Variants in SFXN3 observed in about 807,000 individuals in gnomAD.
The protein encoded by SFXN3 is sideroflexin 3, also known as sideroflexin-3.
Under a neutral mutation model 40.4 loss-of-function variants are expected in SFXN3, and 31 were observed. That is an observed-to-expected ratio of 0.77 (90% CI 0.58 to 1.04). The LOEUF (loss-of-function observed/expected upper bound fraction) is 1.04. Among genes scored for constraint, SFXN3 ranks in the 50% least tolerant of loss-of-function variants. The probability of loss-of-function intolerance (pLI) is 0.00; values close to 1 mark genes in which losing one functional copy is unlikely to be tolerated. For synonymous variants in SFXN3, 157 were observed against 160.0 expected, an observed-to-expected ratio of 0.98 and a Z score of 0.14; for missense variants, 366 against 408.2, an observed-to-expected ratio of 0.90 and a Z score of 0.89.
rs1245991546 is a variant in SFXN3 at position 101,036,289 on chromosome 10, G to A, written c.431+188G>A. Among the ~76,000 whole-genome samples, 1 of 152,224 alleles carries A rather than the reference G, an allele frequency of 6.6e-6. No individual in the cohort carries two copies. Among genetic ancestry groups the A allele is most frequent in the Non-Finnish European group, 1.5e-5 (1 of 68,038 alleles). On this transcript the variant is annotated intron_variant, in intron 5 of 11. Coordinates refer to ENST00000393459, the Ensembl canonical transcript of SFXN3. This position sits in a 1 kb window ranked among gnomAD's most constrained non-coding sequence, Gnocchi z 4.2. Reference sequence around the variant, plus strand: ...GGCATGAGGTCCTCTTATGTATGCTGTGGGGGACCCACCCCTCTTCACAGG... The same window carrying A: ...GGCATGAGGTCCTCTTATGTATGCTATGGGGGACCCACCCCTCTTCACAGG...
intron 2 of SFXN3, among the ~76,000 whole-genome samples, chr10:101,032,898 G>C (rs144754024): frequency 6.6e-6 from 1 of 152,316 alleles, no homozygotes; most frequent in Non-Finnish European, 1.5e-5. Context: ...GCTGCACCAG[G>C]CTTTCCTCTC....
intron 1 of SFXN3, 134 bp from the exon 2 acceptor site, chr10:101,032,180 C>G: frequency 2.6e-6 from 1 of 379,132 alleles, no homozygotes; most frequent in Non-Finnish European, 4.7e-6. Context: ...GCGGCTCCAG[C>G]CCCTCCTCCC....
chr10:101,032,226 G>A, intron 1 of SFXN3, 88 bp from the exon 2 acceptor site: 1 of 473,876 alleles, frequency 2.1e-6, no homozygotes, highest in South Asian at 3.4e-5. Flanking sequence ...GATCCCCGAG[G>A]TGGGATTGGC....
At chr10:101,033,921 G>C (rs1164906314) in intron 2 of SFXN3, among the ~76,000 whole-genome samples, 1 of 152,022 alleles carries the variant, frequency 6.6e-6, no homozygotes, top group East Asian at 1.9e-4. Context: ...TAACAAGGCA[G>C]CATTACTGCA....
intron 2 of SFXN3, among the ~76,000 whole-genome samples, chr10:101,034,276 G>A (rs1345571018): frequency 6.6e-6 from 1 of 152,148 alleles, no homozygotes; most frequent in African/African-American, 2.4e-5. Flanking sequence ...ACTAGAGAAT[G>A]GCAATGACTT....
chr10:101,035,929 TTGGTTTCATTACAG>T, intron 4 of SFXN3, 60 bp from the exon 5 acceptor site: 1 of 1,400,890 alleles, frequency 7.1e-7, no homozygotes, highest in Non-Finnish European at 1.0e-6. Flanking sequence ...GGAATAACCT[TTGGTTTCATTACAG>T]GGGTCTAAAG....
chr10:101,035,576 G>A, exon 4 of SFXN3: 1 of 1,614,152 alleles, frequency 6.2e-7, no homozygotes, highest in African/African-American at 1.3e-5. Flanking sequence ...CTTCCATCCG[G>A]ACACAGGGGA....
intron 9 of SFXN3, chr10:101,037,932 G>A: frequency 1.2e-6 from 1 of 835,560 alleles, no homozygotes; most frequent in Non-Finnish European, 1.5e-6. Context: ...TATGGCCCCT[G>A]TCCTCATGAA....
At chr10:101,033,479 T>C (rs1019961719) in intron 2 of SFXN3, among the ~76,000 whole-genome samples, 1 of 152,150 alleles carries the variant, frequency 6.6e-6, no homozygotes, top group Admixed American at 6.5e-5. Context: ...GTCCCTGGGC[T>C]GGGACATTGC....
intron 9 of SFXN3, chr10:101,038,274 G>A (rs907340438): frequency 8.5e-7 from 1 of 1,173,480 alleles, no homozygotes; most frequent in Non-Finnish European, 1.1e-6. Flanking sequence ...AGATGTGCTT[G>A]GAAAGGGTCA....
Position 101,039,401 on chromosome 10 carries a change from A to G in SFXN3, c.870-88A>G. On this transcript the variant is annotated intron_variant, in intron 11 of 11. Coordinates refer to ENST00000393459, the Ensembl canonical transcript of SFXN3. This position sits in a 1 kb window ranked among gnomAD's most constrained non-coding sequence, Gnocchi z 4.6. ...TGGCAGTAGAAGGAGAGGATTTTTC[A>G]GCCTGGGAGGAGGTGGGATGGCAAT... 7.5e-7 allele frequency: 1 copy of G among 1,331,934 alleles called. No homozygotes were observed. The highest frequency in any genetic ancestry group is 1.1e-6 in the Non-Finnish European group (1 of 925,604). 82.5% of individuals were successfully genotyped at this position (1,331,934 alleles called of 1,614,324 possible).
In SFXN3 at chr10:101,035,908, C is replaced by T. The variant is rs1349695020; in HGVS notation, c.333-95C>T. 2.3e-6 allele frequency: 3 copies of T among 1,300,718 alleles called. No individual in the cohort carries two copies. The African/African-American group carries it at 4.4e-5, about 19-fold the overall frequency. The allele number at this position is 1,300,718 out of a possible 1,614,324, so 80.6% of individuals were successfully genotyped here. ...TCTAGGGCCATTAACTGGGTCCCTT[C>T]TTAGGCTTGGGGAATAACCTTTGGT... On this transcript the variant is annotated intron_variant, in intron 4 of 11. Coordinates refer to ENST00000393459, the Ensembl canonical transcript of SFXN3.
In SFXN3 at chr10:101,039,637, G is replaced by A; in HGVS notation, c.*52G>A. 1 of 1,549,124 alleles carries A rather than the reference G, an allele frequency of 6.5e-7. No individual in the cohort carries two copies. Among genetic ancestry groups the A allele is most frequent in the Non-Finnish European group, 8.9e-7 (1 of 1,121,192 alleles). On this transcript the variant is annotated 3_prime_UTR_variant, in exon 12 of 12. Transcript: ENST00000393459. The surrounding 1 kb of genome is among the most constrained non-coding windows in gnomAD (Gnocchi z 4.6). ...CACTTCCTTGGGCTGCTGCTTTAGT[G>A]GAGTCATGTCACCCCTACCACTTGG...
chr10:101,036,074 G>GC lies in SFXN3; in HGVS notation c.405dup (p.Ser136GlnfsTer3). ...AATGCCATTGTTAACTACTCCAACC[G>GC]CAGTGGTGACACTCCCATCACTGTG... On this transcript the variant is annotated frameshift_variant, in exon 5 of 12. Transcript: ENST00000393459. LOFTEE classifies it high-confidence loss of function. The surrounding 1 kb of genome is among the most constrained non-coding windows in gnomAD (Gnocchi z 4.2). 6.2e-7 allele frequency: 1 copy of GC among 1,613,860 alleles called. No individual in the cohort carries two copies. Among genetic ancestry groups the GC allele is most frequent in the South Asian group, 1.1e-5 (1 of 91,064 alleles).
intron 9 of SFXN3, chr10:101,037,863 T>G: frequency 9.4e-7 from 1 of 1,059,672 alleles, no homozygotes. Flanking sequence ...CACAAATGTA[T>G]TGAGTGCCAT....
exon 2 of SFXN3, chr10:101,032,372 T>C: frequency 7.3e-7 from 1 of 1,377,800 alleles, no homozygotes; most frequent in East Asian, 2.9e-5. Flanking sequence ...TGCCCCTCCC[T>C]GCTGGTCGGC....
At chr10:101,037,037 C>G in intron 7 of SFXN3, 39 bp from the exon 8 acceptor site, 1 of 1,610,264 alleles carries the variant, frequency 6.2e-7, no homozygotes, top group Non-Finnish European at 8.5e-7. Flanking sequence ...AGGTGGGATC[C>G]GGGGCCTGTG....
Position 101,036,561 on chromosome 10 carries a change from G to T in SFXN3, c.507G>T (p.Lys169Asn). Reference sequence around the variant, plus strand: ...CCCTGGGACTCAAATCCCTCACCAAGGTAAAGGCCCCTCACTCCCCTGACC... The same window carrying T: ...CCCTGGGACTCAAATCCCTCACCAATGTAAAGGCCCCTCACTCCCCTGACC... The change falls in exon 6 of 12, where the codon AAG (lysine) becomes AAT (asparagine). Residue 169 changes from lysine (K) to asparagine (N), a missense_variant and splice_region_variant. Coordinates refer to ENST00000393459, the Ensembl canonical transcript of SFXN3. This position sits in a 1 kb window ranked among gnomAD's most constrained non-coding sequence, Gnocchi z 4.2. The T allele has an allele frequency of 5.0e-6, 8 of 1,614,026 alleles. No individual in the cohort carries two copies. The highest frequency in any genetic ancestry group is 6.8e-6 in the Non-Finnish European group (8 of 1,179,980).
rs1173858833 is a variant in SFXN3 at position 101,038,364 on chromosome 10, G to A, written c.772-279G>A. 45 of 1,365,424 alleles carry A rather than the reference G, an allele frequency of 3.3e-5. No individual in the cohort carries two copies. In the South Asian group the frequency reaches 5.3e-4, roughly 16 times the overall value. 84.6% of individuals were successfully genotyped at this position (1,365,424 alleles called of 1,614,324 possible). On this transcript the variant is annotated intron_variant, in intron 9 of 11. Transcript: ENST00000393459. Reference sequence around the variant, plus strand: ...GAAGAAATCAGCTCCTGGAGGAAGTGAGGGAAGAAAAAAAAGGGCCAGGGA... The same window carrying A: ...GAAGAAATCAGCTCCTGGAGGAAGTAAGGGAAGAAAAAAAAGGGCCAGGGA...
Sources: allele counts gnomAD v4.1 joint callset (sites outside exome capture counted in the v4.1 genomes callset), GRCh38; gene constraint gnomAD v4.1.1; non-coding constraint Gnocchi (gnomAD v3.1); transcripts MANE v1.5; gene names NCBI Gene and HGNC (gene_info 2026-07-23, HGNC 2026-07-21).